NEUROD1: variants seen among roughly 807,000 people sequenced by gnomAD.
The protein encoded by NEUROD1 is neuronal differentiation 1, also known as neurogenic differentiation factor 1.
A neutral mutation model predicts 21.8 loss-of-function variants in NEUROD1; 9 were observed. The observed-to-expected ratio is 0.41, with a 90% CI of 0.25 to 0.72. NEUROD1 has a LOEUF of 0.72. NEUROD1 is among the 30% of genes least tolerant of loss of function. The probability of loss-of-function intolerance (pLI) is 0.31; values close to 1 mark genes in which losing one functional copy is unlikely to be tolerated. For synonymous variants in NEUROD1, 199 were observed against 186.2 expected, an observed-to-expected ratio of 1.07 and a Z score of -0.56; for missense variants, 434 against 468.8, an observed-to-expected ratio of 0.93 and a Z score of 0.69.
chr2:181,673,615 A>G (rs1184481643), downstream of NEUROD1: 3 of 152,188 alleles, frequency 2.0e-5, no homozygotes, highest in Admixed American at 6.5e-5. Context: ...AGAAAAGGAG[A>G]AGTGAGGAGG....
At chr2:181,674,616 CTA>C (rs1423632539), downstream of NEUROD1, among the ~76,000 whole-genome samples, 7 of 152,236 alleles carry the variant, frequency 4.6e-5, no homozygotes, top group African/African-American at 9.6e-5. Context: ...GATGGAAGTG[CTA>C]TGTGTTATGC....
At position 181,677,579 on chromosome 2, in the gene NEUROD1, A is replaced by C; in HGVS notation, c.*211T>G. ...TGTATTTTTTTATTTTTTAAATAGA[A>C]GAGCTATAGAAAATAATACATAAGG... On this transcript the variant is annotated 3_prime_UTR_variant, in exon 2 of 2. Transcript: ENST00000295108. The C allele has an allele frequency of 3.8e-6, 3 of 785,612 alleles. No homozygotes were observed. Among genetic ancestry groups the C allele is most frequent in the East Asian group, 2.8e-5 (1 of 36,218 alleles). The allele number at this position is 785,612 out of a possible 1,614,324, so 48.7% of individuals were successfully genotyped here.
chr2:181,672,257 AG>A (rs1440668993), downstream of NEUROD1, among the ~76,000 whole-genome samples: 1 of 152,214 alleles, frequency 6.6e-6, no homozygotes, highest in Non-Finnish European at 1.5e-5. Flanking sequence ...ATAAGAAATT[AG>A]TTTCAATTGT....
rs1387706216 is a variant in NEUROD1, at chr2:181,676,624, A to T, written c.*1166T>A. 1 of 152,624 alleles carries T rather than the reference A, an allele frequency of 6.6e-6. No homozygotes were observed. The highest frequency in any genetic ancestry group is 1.5e-5 in the Non-Finnish European group (1 of 68,012). The allele number at this position is 152,624 out of a possible 1,614,324, so 9.5% of individuals were successfully genotyped here. Reference sequence around the variant, plus strand: ...GCACTTATTCTGGACTGCATTTTACATGCAATAGCTATTGTTCTAATTATG... The same window carrying T: ...GCACTTATTCTGGACTGCATTTTACTTGCAATAGCTATTGTTCTAATTATG... On this transcript the variant is annotated 3_prime_UTR_variant, in exon 2 of 2. Coordinates refer to ENST00000295108, the MANE Select transcript of NEUROD1 (RefSeq NM_002500.5).
chr2:181,678,594 C>T lies in NEUROD1; in HGVS notation c.267G>A (p.Lys89=), dbSNP rs1434669059. 3.7e-6 allele frequency: 6 copies of T among 1,614,092 alleles called. No homozygotes were observed. In the South Asian group the frequency reaches 6.6e-5, roughly 18 times the overall value. ...QKPKRRGPKK[K]KMTKARLERF... is the part of the protein sequence containing the mutation. ...GCTCCAGGCGAGCCTTAGTCATCTT[C>T]TTCTTTTTGGGGCCGCGTCTCTTGG... Residue 89 remains lysine, a synonymous_variant, in exon 2 of 2, where the codon AAG becomes AAA. Transcript: ENST00000295108. This position sits in a 1 kb window ranked among gnomAD's most constrained non-coding sequence, Gnocchi z 5.5.
rs116321775 is a variant in NEUROD1, at chr2:181,678,732, G to T, written c.129C>A (p.Leu43=). The change falls in exon 2 of 2, where the codon CTC becomes CTA. Residue 43 remains leucine, a synonymous_variant. Transcript: ENST00000295108. This position sits in a 1 kb window ranked among gnomAD's most constrained non-coding sequence, Gnocchi z 5.5. ...AGTCCTCCTCTGCGTTCATGGTTTC[G>T]AGGTCGTCCTCCTTCTTGTCTGCCT... is the stretch of plus-strand genomic sequence containing the variant. ...EHEADKKEDD[L]ETMNAEEDSL... is the part of the protein sequence containing the mutation. 3.6e-4 allele frequency: 583 copies of T among 1,612,006 alleles called. 3 individuals carry two copies. In the African/African-American group the frequency reaches 6.5e-3, roughly 18 times the overall value.
Position 181,677,606 on chromosome 2 carries a change from G to T in NEUROD1, c.*184C>A. The T allele has an allele frequency of 1.9e-6, 2 of 1,037,802 alleles. No homozygotes were observed. The highest frequency in any genetic ancestry group is 2.8e-6 in the Non-Finnish European group (2 of 710,758). 64.3% of individuals were successfully genotyped at this position (1,037,802 alleles called of 1,614,324 possible). On this transcript the variant is annotated 3_prime_UTR_variant, in exon 2 of 2. Transcript: ENST00000295108. The stretch of plus-strand genomic sequence containing the variant: ...AGCTATAGAAAATAATACATAAGGT[G>T]AACAGGAACTTTGATCCCCTGTTTC...
chr2:181,678,621 C>T lies in NEUROD1; in HGVS notation c.240G>A (p.Lys80=), dbSNP rs769477247. The change falls in exon 2 of 2, where the codon AAG becomes AAA. Residue 80 remains lysine, a synonymous_variant. Transcript: ENST00000295108. The surrounding 1 kb of genome is among the most constrained non-coding windows in gnomAD (Gnocchi z 5.5). ...TCTTTTTGGGGCCGCGTCTCTTGGG[C>T]TTTTGATCGTCATCCTCCTCTTCCT... ...EEEEEEDDDQ[K]PKRRGPKKKK... is the part of the protein sequence containing the mutation. 1 of 1,614,134 alleles carries T rather than the reference C, an allele frequency of 6.2e-7. No homozygotes were observed. The highest frequency in any genetic ancestry group is 8.5e-7 in the Non-Finnish European group (1 of 1,180,016).
At chr2:181,669,761 A>G (rs1286417791), downstream of NEUROD1, among the ~76,000 whole-genome samples, 1 of 152,220 alleles carries the variant, frequency 6.6e-6, no homozygotes, top group South Asian at 2.1e-4. Context: ...CAAACAGACC[A>G]ATCAAGATTA....
chr2:181,677,622 C>T lies in NEUROD1; in HGVS notation c.*168G>A. The T allele has an allele frequency of 8.3e-7, 1 of 1,198,634 alleles. No homozygotes were observed. Among genetic ancestry groups the T allele is most frequent in the Non-Finnish European group, 1.2e-6 (1 of 850,982 alleles). 74.2% of individuals were successfully genotyped at this position (1,198,634 alleles called of 1,614,324 possible). On this transcript the variant is annotated 3_prime_UTR_variant, in exon 2 of 2. Coordinates refer to ENST00000295108, the MANE Select transcript of NEUROD1 (RefSeq NM_002500.5). The stretch of plus-strand genomic sequence containing the variant: ...ACATAAGGTGAACAGGAACTTTGAT[C>T]CCCTGTTTCTTCCAAAGGCAGTAAT...
At position 181,677,675 on chromosome 2, in the gene NEUROD1, C is replaced by T; in HGVS notation, c.*115G>A. 1 of 1,582,746 alleles carries T rather than the reference C, an allele frequency of 6.3e-7. No individual in the cohort carries two copies. The highest frequency in any genetic ancestry group is 8.6e-7 in the Non-Finnish European group (1 of 1,163,374). On this transcript the variant is annotated 3_prime_UTR_variant, in exon 2 of 2. Coordinates refer to ENST00000295108, the MANE Select transcript of NEUROD1 (RefSeq NM_002500.5). ...CAATAAATACATATATCACTTGAAG[C>T]TTGGAGTATTTGCACTTTGCAGCAG... is the stretch of plus-strand genomic sequence containing the variant.
In NEUROD1 at chr2:181,677,912, T is replaced by C. The variant is rs774842965; in HGVS notation, c.949A>G (p.Ile317Val). The C allele has an allele frequency of 6.2e-6, 10 of 1,614,210 alleles. No individual in the cohort carries two copies. In the East Asian group the frequency reaches 1.8e-4, roughly 29 times the overall value. ...CGAGGGGCAGCGGTGCCTGAGAAGA[T>C]TGATCCGTGGCTTTGGGCCCCTGCC... ...TLAGAQSHGSIFSGTAAPRCE... is the reference protein window; with the variant it reads ...TLAGAQSHGSVFSGTAAPRCE... Residue 317 changes from isoleucine to valine, a missense_variant, in exon 2 of 2, where the codon ATC becomes GTC. Coordinates refer to ENST00000295108, the MANE Select transcript of NEUROD1 (RefSeq NM_002500.5).
chr2:181,669,664 T>C (rs1250441049), downstream of NEUROD1, among the ~76,000 whole-genome samples: 1 of 152,164 alleles, frequency 6.6e-6, no homozygotes, highest in Admixed American at 6.5e-5. Flanking sequence ...AAAATTTTAT[T>C]CCTTACTGAT....
rs1232119187 is a variant in NEUROD1 at position 181,676,992 on chromosome 2, GAT to G, written c.*796_*797del. On this transcript the variant is annotated 3_prime_UTR_variant, in exon 2 of 2. Transcript: ENST00000295108. ...GCTTGTGCAAGTAATGTGTTGAATT[GAT>G]ATGTTTTGATAGGGAATGTATCTCT... The G allele has an allele frequency of 4.6e-5, 7 of 152,102 alleles. No homozygotes were observed. Among genetic ancestry groups the G allele is most frequent in the Non-Finnish European group, 8.8e-5 (6 of 67,938 alleles). 9.4% of individuals were successfully genotyped at this position (152,102 alleles called of 1,614,324 possible).
chr2:181,674,003 A>G (rs928289357), downstream of NEUROD1, among the ~76,000 whole-genome samples: 19 of 152,174 alleles, frequency 1.2e-4, no homozygotes, highest in Admixed American at 2.6e-4. Context: ...TAATTTATAT[A>G]TAATTGTTTT....
rs574102237 is a variant in NEUROD1, at chr2:181,677,624, CCT to C, written c.*164_*165del. 1.6e-3 allele frequency: 2,032 copies of C among 1,241,754 alleles called. 4 individuals carry two copies. The highest frequency in any genetic ancestry group is 2.1e-3 in the Non-Finnish European group (1,828 of 889,358). 76.9% of individuals were successfully genotyped at this position (1,241,754 alleles called of 1,614,324 possible). ...ATAAGGTGAACAGGAACTTTGATCC[CCT>C]GTTTCTTCCAAAGGCAGTAATGACA... On this transcript the variant is annotated 3_prime_UTR_variant, in exon 2 of 2. Transcript: ENST00000295108.
exon 2 of NEUROD1, among the ~76,000 whole-genome samples, chr2:181,670,842 T>C (rs184531349): frequency 4.4e-4 from 67 of 152,194 alleles, no homozygotes; most frequent in African/African-American, 1.6e-3. Flanking sequence ...ACATCAGTGA[T>C]TGGATTTAGG....
chr2:181,679,540 C>T (rs577240388), intron 1 of NEUROD1, among the ~76,000 whole-genome samples: 7 of 152,322 alleles, frequency 4.6e-5, no homozygotes, highest in African/African-American at 1.4e-4. Flanking sequence ...TCTTGCCTTC[C>T]ATCTCTGGCC....
At chr2:181,670,649 C>A (rs1044584972) in exon 2 of NEUROD1, among the ~76,000 whole-genome samples, 2 of 152,114 alleles carry the variant, frequency 1.3e-5, no homozygotes, top group Non-Finnish European at 2.9e-5. Context: ...AGGGTTGATT[C>A]CTTCTTAGGG....
Sources: allele counts gnomAD v4.1 joint callset (sites outside exome capture counted in the v4.1 genomes callset), GRCh38; gene constraint gnomAD v4.1.1; non-coding constraint Gnocchi (gnomAD v3.1); transcripts MANE v1.5; gene names NCBI Gene and HGNC (gene_info 2026-07-23, HGNC 2026-07-21).